Variants in NXPH2 observed in about 807,000 individuals in gnomAD.
NXPH2 encodes the protein neurexophilin-2.
In NXPH2, 5 loss-of-function variants were observed where a neutral mutation model predicts 19.8. The observed-to-expected ratio is 0.25, with a 90% confidence interval of 0.13 to 0.53. The LOEUF is 0.53. NXPH2 is among the 20% of genes least tolerant of loss of function. The pLI is 0.96. For synonymous variants in NXPH2, 154 were observed against 127.4 expected (o/e 1.21, Z -1.41); for missense variants, 289 against 322.8 (o/e 0.90, Z 0.80).
chr2:138,723,670 A>G (rs1558922415), intron 1 of NXPH2, among the ~76,000 whole-genome samples: 1 of 152,168 alleles, frequency 6.6e-6, no homozygotes, highest in Non-Finnish European at 1.5e-5. Context: ...CTGGTACTCA[A>G]TGGAATTGTC....
At chr2:138,728,334 G>A (rs1350281262) in intron 1 of NXPH2, among the ~76,000 whole-genome samples, 3 of 152,192 alleles carry the variant, frequency 2.0e-5, no homozygotes, top group Admixed American at 2.0e-4. Flanking sequence ...ATCCAGAACT[G>A]TGAGAAAATA....
chr2:138,763,225 T>A (rs1682045493), intron 1 of NXPH2, among the ~76,000 whole-genome samples: 1 of 152,124 alleles, frequency 6.6e-6, no homozygotes, highest in African/African-American at 2.4e-5. Flanking sequence ...AGTAAGGAGA[T>A]CAATGGAGGA....
chr2:138,773,464 G>T (rs889603663), intron 1 of NXPH2, among the ~76,000 whole-genome samples: 23 of 151,916 alleles, frequency 1.5e-4, no homozygotes, highest in African/African-American at 5.1e-4. Context: ...CCATTGAAAA[G>T]ATCATACAGA....
chr2:138,763,077 T>G (rs1300115336), intron 1 of NXPH2, among the ~76,000 whole-genome samples: 1 of 152,100 alleles, frequency 6.6e-6, no homozygotes, highest in East Asian at 1.9e-4. Flanking sequence ...AAGACTAAAA[T>G]AAAAATCTGA....
At chr2:138,774,318 C>G (rs1682224991) in intron 1 of NXPH2, among the ~76,000 whole-genome samples, 1 of 152,138 alleles carries the variant, frequency 6.6e-6, no homozygotes, top group African/African-American at 2.4e-5. Context: ...AATTCTCTGT[C>G]TGGTTTTACT....
intron 1 of NXPH2, among the ~76,000 whole-genome samples, chr2:138,727,254 T>C (rs1681373408): frequency 6.6e-6 from 1 of 152,222 alleles, no homozygotes; most frequent in Admixed American, 6.5e-5. Context: ...CAGGCTTTTG[T>C]GTGCACATAA....
chr2:138,769,293 T>C (rs982987643), intron 1 of NXPH2, among the ~76,000 whole-genome samples: 20 of 152,178 alleles, frequency 1.3e-4, no homozygotes, highest in East Asian at 1.9e-4. Context: ...GGAAATTTCA[T>C]AGGATTGTGT....
intron 1 of NXPH2, among the ~76,000 whole-genome samples, chr2:138,719,929 T>G (rs1253676863): frequency 1.3e-5 from 2 of 152,104 alleles, no homozygotes; most frequent in African/African-American, 4.8e-5. Context: ...TAGCTTTTTA[T>G]AAAAAAATTA....
intron 1 of NXPH2, among the ~76,000 whole-genome samples, chr2:138,674,417 A>T (rs910413357): frequency 6.6e-6 from 1 of 151,948 alleles, no homozygotes; most frequent in Non-Finnish European, 1.5e-5. Flanking sequence ...GCCTCCCAAA[A>T]TGTCAGGATT....
At chr2:138,737,139 C>T (rs1681561992) in intron 1 of NXPH2, among the ~76,000 whole-genome samples, 1 of 152,204 alleles carries the variant, frequency 6.6e-6, no homozygotes, top group African/African-American at 2.4e-5. Context: ...GTTGCTTCCA[C>T]ATTTTCAGGT....
At chr2:138,704,585 T>C (rs1206891028) in intron 1 of NXPH2, among the ~76,000 whole-genome samples, 1 of 152,144 alleles carries the variant, frequency 6.6e-6, no homozygotes, top group African/African-American at 2.4e-5. Context: ...GGAGGGGAAC[T>C]GGGAGCCTGC....
intron 1 of NXPH2, among the ~76,000 whole-genome samples, chr2:138,695,245 TAAAC>T (rs1680812855): frequency 6.6e-6 from 1 of 152,032 alleles, no homozygotes; most frequent in Non-Finnish European, 1.5e-5. Context: ...GAAAGACTGA[TAAAC>T]AAAAATGGTT....
chr2:138,693,758 A>G (rs929108650), intron 1 of NXPH2, among the ~76,000 whole-genome samples: 1 of 152,110 alleles, frequency 6.6e-6, no homozygotes, highest in African/African-American at 2.4e-5. Context: ...AAAGGATGAG[A>G]GTTCTAACCA....
chr2:138,739,399 G>T (rs1681609471), intron 1 of NXPH2, among the ~76,000 whole-genome samples: 2 of 152,210 alleles, frequency 1.3e-5, no homozygotes, highest in South Asian at 4.1e-4. Flanking sequence ...TACTAGTTGG[G>T]ATGATCAGGA....
At chr2:138,725,859 T>C (rs1021648023) in intron 1 of NXPH2, among the ~76,000 whole-genome samples, 6 of 152,218 alleles carry the variant, frequency 3.9e-5, no homozygotes, top group Admixed American at 1.3e-4. Context: ...AGAAGTATTA[T>C]CATTGTTCCA....
intron 1 of NXPH2, among the ~76,000 whole-genome samples, chr2:138,766,655 A>G (rs1341738173): frequency 2.0e-5 from 3 of 152,156 alleles, no homozygotes; most frequent in Non-Finnish European, 4.4e-5. Flanking sequence ...TGGCCACAGG[A>G]GCATGACTTT....
At chr2:138,687,604 T>C (rs1680681186) in intron 1 of NXPH2, among the ~76,000 whole-genome samples, 1 of 152,222 alleles carries the variant, frequency 6.6e-6, no homozygotes, top group South Asian at 2.1e-4. Context: ...CTTTTGGTGT[T>C]TTAGACATGA....
intron 1 of NXPH2, among the ~76,000 whole-genome samples, chr2:138,772,794 C>T (rs1037789375): frequency 1.3e-5 from 2 of 152,234 alleles, no homozygotes; most frequent in East Asian, 3.9e-4. Flanking sequence ...GTGATGAGTA[C>T]CTAGAAAGAC....
chr2:138,759,792 C>T (rs141593577), intron 1 of NXPH2, among the ~76,000 whole-genome samples: 8,585 of 148,666 alleles, frequency 0.058, 880 homozygotes, highest in African/African-American at 0.2. Flanking sequence ...TGCAGTAGCG[C>T]AATCTCGGCT....
Sources: gnomAD v4.1 joint callset for allele counts (sites outside exome capture counted in the v4.1 genomes callset) on GRCh38, gnomAD v4.1.1 for gene constraint, MANE v1.5 for transcripts, NCBI Gene and HGNC (gene_info 2026-07-23, HGNC 2026-07-21) for gene names.